The following FAM184A variants were observed in gnomAD, a reference collection of about 807,000 sequenced individuals.
The protein encoded by FAM184A is protein FAM184A.
Under a neutral mutation model 143.8 loss-of-function variants are expected in FAM184A, and 99 were observed. That is an observed-to-expected ratio of 0.69 (90% CI 0.58 to 0.81). The LOEUF (loss-of-function observed/expected upper bound fraction) is 0.81, where lower values mean the gene tolerates loss of function less well. Among genes scored for constraint, FAM184A ranks in the 40% least tolerant of loss-of-function variants. The pLI is 0.00. For synonymous variants in FAM184A, 427 were observed against 446.4 expected (o/e 0.96, Z 0.55); for missense variants, 1,217 against 1,310.5 (o/e 0.93, Z 1.10).
At chr6:119,055,186 A>C (rs1325976679) in intron 1 of FAM184A, among the ~76,000 whole-genome samples, 2 of 152,160 alleles carry the variant, frequency 1.3e-5, no homozygotes, top group Non-Finnish European at 2.9e-5. Context: ...ACTTAGCATA[A>C]TGTTTTCAAG....
intron 14 of FAM184A, among the ~76,000 whole-genome samples, chr6:118,972,372 T>C (rs1002942872): frequency 1.3e-5 from 2 of 152,218 alleles, no homozygotes; most frequent in African/African-American, 4.8e-5. Flanking sequence ...ACATTTTCAT[T>C]ATCACAATCT....
At position 118,962,899 on chromosome 6, in the gene FAM184A, T is replaced by G. The variant is rs1286966293; in HGVS notation, c.3139-936A>C. ...CTAATTAGATGTATACCAATTAAAT[T>G]TGTAAGCTTTTTAGGGAAATAACTC... is the stretch of plus-strand genomic sequence containing the variant. On this transcript the variant is annotated intron_variant, in intron 16 of 17. Transcript: ENST00000338891. 3.3e-5 allele frequency: 5 copies of G among 152,176 alleles called. No individual in the cohort carries two copies. The South Asian group carries it at 8.3e-4, about 25-fold the overall frequency. 9.4% of individuals were successfully genotyped at this position (152,176 alleles called of 1,614,324 possible). A position where few individuals can be genotyped will look rare whatever the true frequency, so the allele number is the denominator to read the frequency against.
chr6:119,113,306 C>T (rs1429011559), intron 1 of FAM184A, among the ~76,000 whole-genome samples: 3 of 152,174 alleles, frequency 2.0e-5, no homozygotes, highest in Non-Finnish European at 4.4e-5. Flanking sequence ...CTCCCTGGCT[C>T]TCAAGGTCCT....
chr6:119,097,895 A>T (rs1788548326), intron 1 of FAM184A, among the ~76,000 whole-genome samples: 1 of 152,194 alleles, frequency 6.6e-6, no homozygotes. Context: ...TAAAGAAATT[A>T]TCTGACTACA....
chr6:119,139,792 G>T (rs1383095259), intron 1 of FAM184A, among the ~76,000 whole-genome samples: 2 of 152,194 alleles, frequency 1.3e-5, no homozygotes. Context: ...AAGAAGCAAA[G>T]GGTTGTCTTC....
chr6:118,974,577 G>A lies in FAM184A; in HGVS notation c.2769-3C>T. 6.3e-7 allele frequency: 1 copy of A among 1,582,072 alleles called. No homozygotes were observed. The highest frequency in any genetic ancestry group is 8.6e-7 in the Non-Finnish European group (1 of 1,166,740). On this transcript the variant is annotated splice_region_variant and splice_polypyrimidine_tract_variant and intron_variant, in intron 13 of 17. Transcript: ENST00000338891. ...TGTTTAAATCTTGTTCATGCAACCT[G>A]TTTGATTTATTTTTAGTTAAGAAAA...
At chr6:119,077,592 A>G (rs562281759) in intron 1 of FAM184A, among the ~76,000 whole-genome samples, 37 of 152,346 alleles carry the variant, frequency 2.4e-4, no homozygotes, top group Admixed American at 1.2e-3. Context: ...TGTGAGATTC[A>G]TCTAATAAGC....
intron 1 of FAM184A, among the ~76,000 whole-genome samples, chr6:119,142,323 G>A (rs1048067820): frequency 7.2e-5 from 11 of 152,268 alleles, no homozygotes; most frequent in Admixed American, 1.3e-4. Context: ...CATCCCAGGC[G>A]CACTGTTTCT....
chr6:118,970,246 C>T lies in FAM184A; in HGVS notation c.2916-3294G>A, dbSNP rs190805022. ...CTCAAACTCCTGACCTCAGGTGATC[C>T]GCCTGCCTCGGCCTCCCAGAAGTGC... is the stretch of plus-strand genomic sequence containing the variant. On this transcript the variant is annotated intron_variant, in intron 14 of 17. Coordinates refer to ENST00000338891, the MANE Select transcript of FAM184A (RefSeq NM_024581.6). Among the ~76,000 whole-genome samples the T allele has an allele frequency of 4.0e-3, 600 of 151,026 alleles. 8 individuals are homozygous for T. In the East Asian group the frequency reaches 0.04, roughly 10 times the overall value.
intron 17 of FAM184A, chr6:118,960,841 A>G: frequency 7.3e-7 from 1 of 1,364,494 alleles, no homozygotes. Context: ...CCTTGAGCTC[A>G]TGCACATGCA....
At chr6:118,961,672 T>G (rs1377260929) in intron 17 of FAM184A, 89 bp downstream of exon 17, 19 of 1,056,964 alleles carry the variant, frequency 1.8e-5, no homozygotes, top group Non-Finnish European at 2.7e-5. Context: ...TCTTAGGTTG[T>G]TCTTAAAGTA....
intron 5 of FAM184A, among the ~76,000 whole-genome samples, chr6:119,015,975 T>C (rs1785235995): frequency 1.3e-5 from 2 of 151,694 alleles, no homozygotes. Context: ...CAATCGACAC[T>C]CTGTATCTAG....
chr6:119,130,652 G>A (rs1333702971), intron 1 of FAM184A, among the ~76,000 whole-genome samples: 1 of 152,178 alleles, frequency 6.6e-6, no homozygotes, highest in African/African-American at 2.4e-5. Context: ...GGACCCTGCT[G>A]CACTTTGGAA....
At chr6:118,991,825 T>C (rs1784389040) in intron 9 of FAM184A, among the ~76,000 whole-genome samples, 1 of 135,204 alleles carries the variant, frequency 7.4e-6, no homozygotes, top group African/African-American at 2.8e-5. Flanking sequence ...TGCAGTGGTA[T>C]GATCTCGGCT....
chr6:119,014,640 T>C (rs1037998458), intron 5 of FAM184A, among the ~76,000 whole-genome samples: 6 of 152,252 alleles, frequency 3.9e-5, no homozygotes, highest in African/African-American at 1.4e-4. Flanking sequence ...GTTTCTATTA[T>C]GGCTTATATG....
At chr6:119,102,043 G>A (rs1174394430) in intron 1 of FAM184A, among the ~76,000 whole-genome samples, 2 of 152,058 alleles carry the variant, frequency 1.3e-5, no homozygotes, top group Admixed American at 1.3e-4. Flanking sequence ...GCAACACAGT[G>A]AGACTTCATC....
chr6:119,103,179 G>A (rs948633152), intron 1 of FAM184A, among the ~76,000 whole-genome samples: 1 of 152,216 alleles, frequency 6.6e-6, no homozygotes, highest in Non-Finnish European at 1.5e-5. Flanking sequence ...TGCTGTGTCT[G>A]TATGTGATGC....
chr6:119,109,366 C>T (rs1158217697), intron 1 of FAM184A, among the ~76,000 whole-genome samples: 1 of 152,208 alleles, frequency 6.6e-6, no homozygotes, highest in Non-Finnish European at 1.5e-5. Context: ...TAAACCTCAG[C>T]CTCTCTCACA....
At position 119,016,737 on chromosome 6, in the gene FAM184A, T is replaced by C; in HGVS notation, c.1530+10A>G. The C allele has an allele frequency of 6.2e-7, 1 of 1,605,772 alleles. No homozygotes were observed. Among genetic ancestry groups the C allele is most frequent in the African/African-American group, 1.3e-5 (1 of 74,808 alleles). Reference sequence around the variant, plus strand: ...TTTACAATGCAATGATAAATTAAATTTTTACTCACCATTTGCAGTTTTTTC... The same window carrying C: ...TTTACAATGCAATGATAAATTAAATCTTTACTCACCATTTGCAGTTTTTTC... On this transcript the variant is annotated intron_variant, in intron 5 of 17. Coordinates refer to ENST00000338891, the MANE Select transcript of FAM184A (RefSeq NM_024581.6).
Sources: gnomAD v4.1 joint callset for allele counts (sites outside exome capture counted in the v4.1 genomes callset) on GRCh38, gnomAD v4.1.1 for gene constraint, MANE v1.5 for transcripts, NCBI Gene and HGNC (gene_info 2026-07-23, HGNC 2026-07-21) for gene names.